Variants in PITPNC1 observed in about 807,000 individuals in gnomAD.
PITPNC1 encodes phosphatidylinositol transfer protein cytoplasmic 1.
Under a neutral mutation model 44.7 loss-of-function variants are expected in PITPNC1, and 18 were observed. The observed-to-expected ratio is 0.40, with a 90% CI of 0.28 to 0.60. The LOEUF is 0.60. PITPNC1 is among the 20% of genes least tolerant of loss of function. PITPNC1 has a pLI of 0.39. For missense variants in PITPNC1, 290 were observed against 418.4 expected, an observed-to-expected ratio of 0.69 and a Z score of 2.68; for synonymous variants, 141 against 149.6, an observed-to-expected ratio of 0.94 and a Z score of 0.42.
At chr17:67,478,761 G>C (rs2039664423) in intron 1 of PITPNC1, among the ~76,000 whole-genome samples, 1 of 152,086 alleles carries the variant, frequency 6.6e-6, no homozygotes, top group Non-Finnish European at 1.5e-5. Flanking sequence ...GGAGACTGGA[G>C]CGCTAATTAT....
chr17:67,412,922 T>C (rs934320236), intron 1 of PITPNC1, among the ~76,000 whole-genome samples: 1 of 152,240 alleles, frequency 6.6e-6, no homozygotes, highest in Non-Finnish European at 1.5e-5. Context: ...ATTTGCAAGT[T>C]ACTTTCTAGT....
At chr17:67,422,827 A>G (rs1474718436) in intron 1 of PITPNC1, among the ~76,000 whole-genome samples, 2 of 152,144 alleles carry the variant, frequency 1.3e-5, no homozygotes, top group Non-Finnish European at 2.9e-5. Context: ...GTCGTGAGCT[A>G]CCACGCCGGT....
chr17:67,645,576 G>C (rs1205550457), intron 6 of PITPNC1, among the ~76,000 whole-genome samples: 1 of 151,968 alleles, frequency 6.6e-6, no homozygotes, highest in African/African-American at 2.4e-5. Flanking sequence ...TACTTAATTT[G>C]GGGGAGGAGG....
chr17:67,515,491 A>T (rs1379340872), intron 1 of PITPNC1, among the ~76,000 whole-genome samples: 2 of 152,252 alleles, frequency 1.3e-5, no homozygotes, highest in Non-Finnish European at 2.9e-5. Context: ...ATATCACTTC[A>T]GTGGATCACA....
At chr17:67,507,818 G>A (rs2040127432) in intron 1 of PITPNC1, among the ~76,000 whole-genome samples, 1 of 151,844 alleles carries the variant, frequency 6.6e-6, no homozygotes, top group South Asian at 2.1e-4. Context: ...GTCCTTCCTG[G>A]GTTTTTCTTC....
At chr17:67,628,132 A>T (rs2041918136) in intron 5 of PITPNC1, among the ~76,000 whole-genome samples, 1 of 151,866 alleles carries the variant, frequency 6.6e-6, no homozygotes, top group Non-Finnish European at 1.5e-5. Flanking sequence ...CGAACTCCTG[A>T]CCTCAAGCCA....
intron 2 of PITPNC1, among the ~76,000 whole-genome samples, chr17:67,550,316 C>G (rs113277053): frequency 6.6e-6 from 1 of 152,056 alleles, no homozygotes; most frequent in East Asian, 1.9e-4. Flanking sequence ...ACTTTGCTTT[C>G]CTATTTGTTT....
rs571272051 is a variant in PITPNC1, at chr17:67,513,489, G to GTATATATATA, written c.49-19298_49-19289dup. 7.2e-4 allele frequency among the ~76,000 whole-genome samples: 100 copies of GTATATATATA among 138,652 alleles called. 1 individual carries two copies. Among genetic ancestry groups the GTATATATATA allele is most frequent in the African/African-American group, 2.3e-3 (87 of 37,374 alleles). The allele number at this position is 138,652 out of a possible 152,430, so 91.0% of individuals were successfully genotyped here. A position where few individuals can be genotyped will look rare whatever the true frequency, so the allele number is the denominator to read the frequency against. ...ATATTTTTACTATATGTGTGTGTGT[G>GTATATATATA]TATATATATATATATATATATATAG... On this transcript the variant is annotated intron_variant, in intron 1 of 8. Transcript: ENST00000581322.
intron 8 of PITPNC1, among the ~76,000 whole-genome samples, chr17:67,690,460 A>AAAAG (rs1555584883): frequency 2.0e-5 from 3 of 151,822 alleles, no homozygotes; most frequent in African/African-American, 7.3e-5. Flanking sequence ...AAAAAAAAAA[A>AAAAG]AAAGAAAAAG....
chr17:67,629,253 T>TGTGTGTGTGTGTGTGTGC (rs2041935565), intron 5 of PITPNC1, among the ~76,000 whole-genome samples: 1 of 151,322 alleles, frequency 6.6e-6, no homozygotes, highest in South Asian at 2.1e-4. Flanking sequence ...TGTGTGTGTG[T>TGTGTGTGTGTGTGTGTGC]GTGTGTGTGT....
intron 1 of PITPNC1, among the ~76,000 whole-genome samples, chr17:67,383,081 T>C (rs1012462635): frequency 3.3e-5 from 5 of 151,534 alleles, no homozygotes; most frequent in African/African-American, 1.2e-4. Context: ...CTGAAACCTC[T>C]GCCTCCCGAG....
chr17:67,473,295 A>G (rs369055466), intron 1 of PITPNC1, among the ~76,000 whole-genome samples: 16 of 151,522 alleles, frequency 1.1e-4, no homozygotes, highest in African/African-American at 3.9e-4. Context: ...TCGGCCTCCT[A>G]AGTGCTGGGA....
intron 2 of PITPNC1, among the ~76,000 whole-genome samples, chr17:67,542,873 G>C (rs1453551294): frequency 1.3e-5 from 2 of 152,160 alleles, no homozygotes; most frequent in Non-Finnish European, 2.9e-5. Flanking sequence ...AGTTAATGTG[G>C]AAATGAGAAA....
intron 2 of PITPNC1, among the ~76,000 whole-genome samples, chr17:67,538,429 A>G (rs1419288250): frequency 1.3e-5 from 2 of 152,124 alleles, no homozygotes; most frequent in Admixed American, 1.3e-4. Flanking sequence ...ACGAAACCGC[A>G]TCTCCACAAA....
chr17:67,425,082 C>T (rs896734391), intron 1 of PITPNC1, among the ~76,000 whole-genome samples: 2 of 151,970 alleles, frequency 1.3e-5, no homozygotes, highest in African/African-American at 4.8e-5. Context: ...CAAATTCCAC[C>T]GCCTATCCCA....
At position 67,513,487 on chromosome 17, in the gene PITPNC1, G is replaced by GTATATATATATA. The variant is rs1442010835; in HGVS notation, c.49-19314_49-19313insATATATATATAT. Among the ~76,000 whole-genome samples the GTATATATATATA allele has an allele frequency of 2.5e-3, 345 of 136,890 alleles. 4 individuals carry two copies. Among genetic ancestry groups the GTATATATATATA allele is most frequent in the African/African-American group, 0.01 (330 of 32,970 alleles). The allele number at this position is 136,890 out of a possible 152,430, so 89.8% of individuals were successfully genotyped here. Reference sequence around the variant, plus strand: ...CTATATTTTTACTATATGTGTGTGTGTGTATATATATATATATATATATAT... The same window carrying GTATATATATATA: ...CTATATTTTTACTATATGTGTGTGTGTATATATATATATGTATATATATATATATATATATAT... On this transcript the variant is annotated intron_variant, in intron 1 of 8. Coordinates refer to ENST00000581322, the MANE Select transcript of PITPNC1 (RefSeq NM_012417.4).
intron 1 of PITPNC1, among the ~76,000 whole-genome samples, chr17:67,532,487 G>C (rs2040475108): frequency 6.6e-6 from 1 of 152,162 alleles, no homozygotes; most frequent in South Asian, 2.1e-4. Flanking sequence ...TAACCCTGTA[G>C]AATGCAAAGG....
intron 1 of PITPNC1, among the ~76,000 whole-genome samples, chr17:67,434,797 CA>C (rs148706274): frequency 0.51 from 26,454 of 51,416 alleles, 2,397 homozygotes; most frequent in Admixed American, 0.55. Context: ...GACTCTGCCT[CA>C]AAAAAAAAAA....
intron 1 of PITPNC1, among the ~76,000 whole-genome samples, chr17:67,390,844 T>C (rs2038127456): frequency 6.6e-6 from 1 of 152,206 alleles, no homozygotes; most frequent in African/African-American, 2.4e-5. Context: ...TGAGCCACAT[T>C]ATACAAGACT....
Sources: gnomAD v4.1 joint callset for allele counts (sites outside exome capture counted in the v4.1 genomes callset) on GRCh38, gnomAD v4.1.1 for gene constraint, MANE v1.5 for transcripts, NCBI Gene and HGNC (gene_info 2026-07-23, HGNC 2026-07-21) for gene names.